The following ELMOD1 variants were observed in gnomAD, a reference collection of about 807,000 sequenced individuals.
The protein encoded by ELMOD1 is ELMO domain-containing protein 1.
Under a neutral mutation model 46.7 loss-of-function variants are expected in ELMOD1, and 21 were observed. The observed-to-expected ratio is 0.45, with a 90% CI of 0.32 to 0.65. The LOEUF (loss-of-function observed/expected upper bound fraction) is 0.65, where lower values mean the gene tolerates loss of function less well. Ranked by LOEUF, ELMOD1 falls within the 30% of genes least tolerant of loss-of-function variation. The pLI is 0.04. For synonymous variants in ELMOD1, 122 were observed against 138.2 expected (o/e 0.88, Z 0.82); for missense variants, 348 against 407.8 (o/e 0.85, Z 1.26).
intron 1 of ELMOD1, among the ~76,000 whole-genome samples, chr11:107,605,191 CTTTTTTTT>C (rs1033311280): frequency 1.6e-5 from 2 of 128,160 alleles, no homozygotes; most frequent in Non-Finnish European, 3.4e-5. Context: ...AATTTTCTTT[CTTTTTTTT>C]TTTTTTTTTT....
intron 2 of ELMOD1, chr11:107,625,533 G>T (rs1866026547): frequency 1.0e-6 from 1 of 985,286 alleles, no homozygotes; most frequent in South Asian, 4.7e-5. Flanking sequence ...TGCATTACAG[G>T]TACCCACACC....
At chr11:107,594,125 T>C (rs1865452215) in intron 1 of ELMOD1, among the ~76,000 whole-genome samples, 1 of 151,932 alleles carries the variant, frequency 6.6e-6, no homozygotes, top group Non-Finnish European at 1.5e-5. Flanking sequence ...TGTGTGTTTA[T>C]GGTGGTGGTG....
chr11:107,640,181 T>A (rs535822382), intron 6 of ELMOD1, among the ~76,000 whole-genome samples: 62 of 152,270 alleles, frequency 4.1e-4, no homozygotes, highest in Middle Eastern at 3.4e-3. Context: ...AGGTTTTTTT[T>A]AAATAGGAAA....
chr11:107,660,716 A>T (rs182856193), intron 11 of ELMOD1, among the ~76,000 whole-genome samples: 5 of 152,312 alleles, frequency 3.3e-5, no homozygotes, highest in Non-Finnish European at 5.9e-5. Flanking sequence ...GAGATGTAAT[A>T]TCTGTGTTAC....
chr11:107,642,275 A>G (rs550691209), intron 6 of ELMOD1, among the ~76,000 whole-genome samples: 3 of 152,166 alleles, frequency 2.0e-5, no homozygotes, highest in Non-Finnish European at 4.4e-5. Context: ...GGTTTGTCTG[A>G]TGAGGATTAT....
chr11:107,627,089 G>T (rs139911835), intron 2 of ELMOD1, among the ~76,000 whole-genome samples: 1 of 152,252 alleles, frequency 6.6e-6, no homozygotes, highest in African/African-American at 2.4e-5. Flanking sequence ...AATTTGATCT[G>T]ATGATCTGGA....
intron 5 of ELMOD1, among the ~76,000 whole-genome samples, chr11:107,632,268 A>G (rs970146598): frequency 6.6e-6 from 1 of 152,258 alleles, no homozygotes; most frequent in South Asian, 2.1e-4. Flanking sequence ...TCCACTGGGT[A>G]CAGCAATTTT....
At chr11:107,647,675 G>T in intron 7 of ELMOD1, 74 bp downstream of exon 7, 1 of 1,462,428 alleles carries the variant, frequency 6.8e-7, no homozygotes, top group Non-Finnish European at 9.2e-7. Flanking sequence ...CAAAAGTTGA[G>T]TAATTAGCTT....
At chr11:107,615,229 CTTTTT>C (rs34461488) in intron 1 of ELMOD1, among the ~76,000 whole-genome samples, 4 of 81,130 alleles carry the variant, frequency 4.9e-5, no homozygotes, top group Non-Finnish European at 6.4e-5. Context: ...TTGTCAGCAT[CTTTTT>C]TTTTTTTTTT....
At chr11:107,635,836 A>G (rs1866220729) in intron 6 of ELMOD1, 71 bp downstream of exon 6, 2 of 1,485,674 alleles carry the variant, frequency 1.3e-6, no homozygotes, top group South Asian at 2.5e-5. Context: ...GCTATGTGCT[A>G]GGCGCTGCTC....
At chr11:107,626,125 A>T (rs371320311) in intron 2 of ELMOD1, among the ~76,000 whole-genome samples, 122 of 152,304 alleles carry the variant, frequency 8.0e-4, no homozygotes, top group African/African-American at 2.9e-3. Context: ...ATCTTCCATC[A>T]AAATGAAGAA....
Position 107,628,220 on chromosome 11 carries a change from G to A in ELMOD1, c.18-2197G>A, listed in dbSNP as rs185168466. On this transcript the variant is annotated intron_variant, in intron 2 of 11. Transcript: ENST00000265840. ...TCTTGCTCTGTCGCCAGGCTGGAGT[G>A]CAGTGGTATGATCTCGGCTCACTGC... Among the ~76,000 whole-genome samples, 5 of 152,164 alleles carry A rather than the reference G, an allele frequency of 3.3e-5. No homozygotes were observed. In the East Asian group the frequency reaches 7.7e-4, roughly 24 times the overall value.
intron 2 of ELMOD1, among the ~76,000 whole-genome samples, chr11:107,621,848 GA>G (rs1167035201): frequency 6.6e-6 from 1 of 152,166 alleles, no homozygotes; most frequent in Non-Finnish European, 1.5e-5. Context: ...CCAACAAGGT[GA>G]AACCCCATCT....
At chr11:107,663,810 A>G (rs1328094363) in intron 11 of ELMOD1, among the ~76,000 whole-genome samples, 1 of 152,194 alleles carries the variant, frequency 6.6e-6, no homozygotes, top group Non-Finnish European at 1.5e-5. Flanking sequence ...ATTAGAATTA[A>G]GTGTGTTTAT....
chr11:107,659,659 G>A (rs1297245066), intron 11 of ELMOD1, among the ~76,000 whole-genome samples: 2 of 128,486 alleles, frequency 1.6e-5, no homozygotes, highest in East Asian at 2.6e-4. Flanking sequence ...GGGTGGGTGG[G>A]TGGGTGGATG....
At chr11:107,614,452 C>T (rs1455954260) in intron 1 of ELMOD1, among the ~76,000 whole-genome samples, 1 of 152,190 alleles carries the variant, frequency 6.6e-6, no homozygotes, top group Non-Finnish European at 1.5e-5. Flanking sequence ...AATTCTCCTG[C>T]CTCAGCCTCC....
intron 1 of ELMOD1, among the ~76,000 whole-genome samples, chr11:107,593,660 G>T (rs614759): frequency 0.63 from 95,287 of 152,086 alleles, 31,031 homozygotes; most frequent in East Asian, 0.81. Flanking sequence ...CAAATAAAAA[G>T]GTGGGCTGCC....
chr11:107,656,748 C>G (rs1866641348), intron 11 of ELMOD1, among the ~76,000 whole-genome samples: 1 of 152,106 alleles, frequency 6.6e-6, no homozygotes, highest in African/African-American at 2.4e-5. Context: ...TCCCTCTGAT[C>G]CTCATGGCAT....
intron 1 of ELMOD1, among the ~76,000 whole-genome samples, chr11:107,607,029 A>G (rs916748236): frequency 2.6e-5 from 4 of 152,224 alleles, no homozygotes; most frequent in Non-Finnish European, 4.4e-5. Context: ...ATGATTTGTC[A>G]ATTAAAAATC....
Sources: gnomAD v4.1 joint callset for allele counts (sites outside exome capture counted in the v4.1 genomes callset) on GRCh38, gnomAD v4.1.1 for gene constraint, MANE v1.5 for transcripts, NCBI Gene and HGNC (gene_info 2026-07-23, HGNC 2026-07-21) for gene names.